The following FBXW11 variants were observed in gnomAD, a reference collection of about 807,000 sequenced individuals.
The protein encoded by FBXW11 is F-box and WD repeat domain containing 11.
Under a neutral mutation model 77.6 loss-of-function variants are expected in FBXW11, and 19 were observed. The observed-to-expected ratio is 0.24, with a 90% confidence interval of 0.17 to 0.36. The LOEUF is 0.36. Among genes scored for constraint, FBXW11 ranks in the 10% least tolerant of loss-of-function variants. The pLI is 1.00. For missense variants in FBXW11, 334 were observed against 704.2 expected (o/e 0.47, Z 5.95); for synonymous variants, 235 against 249.4 (o/e 0.94, Z 0.54).
Position 171,893,446 on chromosome 5 carries a change from A to AAAC in FBXW11, c.715-1843_715-1842insGTT, listed in dbSNP as rs1382279919. ...CAAAAAAAAAAAAAAAAAAAAAAAA[A>AAAC]ACTAACCCAACCATCTCTGCTACCT... On this transcript the variant is annotated intron_variant, in intron 6 of 13. Coordinates refer to ENST00000517395, the MANE Select transcript of FBXW11 (RefSeq NM_001378974.1). Among the ~76,000 whole-genome samples, 185 of 148,102 alleles carry AAAC rather than the reference A, an allele frequency of 1.2e-3. 2 individuals are homozygous for AAAC. The highest frequency in any genetic ancestry group is 4.4e-3 in the African/African-American group (178 of 40,086).
intron 2 of FBXW11, among the ~76,000 whole-genome samples, chr5:171,920,409 C>T (rs139330220): frequency 9.1e-4 from 117 of 128,090 alleles, no homozygotes; most frequent in Middle Eastern, 3.9e-3. Flanking sequence ...AATTCCACAC[C>T]GCTATTTAAA....
chr5:171,911,587 C>T (rs1760887031), intron 3 of FBXW11, among the ~76,000 whole-genome samples: 1 of 152,180 alleles, frequency 6.6e-6, no homozygotes, highest in East Asian at 1.9e-4. Context: ...ACGGTTTAGA[C>T]TTTCCCATCC....
intron 1 of FBXW11, among the ~76,000 whole-genome samples, chr5:171,974,773 A>AG (rs773927546): frequency 2.6e-4 from 39 of 151,718 alleles, no homozygotes; most frequent in Non-Finnish European, 4.9e-4. Flanking sequence ...AAACATGCAA[A>AG]GGTTGGTTAA....
At chr5:171,967,163 T>C (rs566261406) in intron 1 of FBXW11, among the ~76,000 whole-genome samples, 10 of 152,340 alleles carry the variant, frequency 6.6e-5, no homozygotes, top group African/African-American at 2.4e-4. Context: ...TATGCAACTC[T>C]GCAATACATA....
intron 6 of FBXW11, among the ~76,000 whole-genome samples, chr5:171,891,894 G>A (rs776372259): frequency 4.6e-5 from 7 of 151,992 alleles, no homozygotes; most frequent in Non-Finnish European, 8.8e-5. Context: ...AAAGAACGCC[G>A]TTTGCACCCA....
chr5:171,889,890 C>CA (rs1348148413), intron 7 of FBXW11, among the ~76,000 whole-genome samples: 4 of 151,354 alleles, frequency 2.6e-5, no homozygotes, highest in African/African-American at 9.7e-5. Flanking sequence ...AACTCCGTCT[C>CA]AAAAAAAATT....
chr5:171,908,504 G>A (rs1215308480), intron 4 of FBXW11, among the ~76,000 whole-genome samples: 1 of 152,118 alleles, frequency 6.6e-6, no homozygotes. Flanking sequence ...TGAAAAACAG[G>A]ACTAAGTGAT....
intron 1 of FBXW11, among the ~76,000 whole-genome samples, chr5:171,991,620 T>C (rs1765743671): frequency 6.6e-6 from 1 of 152,248 alleles, no homozygotes; most frequent in Non-Finnish European, 1.5e-5. Context: ...CAGTCTTCAC[T>C]GTTCAGGTTC....
chr5:171,955,593 C>A (rs906354653), intron 2 of FBXW11, among the ~76,000 whole-genome samples: 5 of 152,188 alleles, frequency 3.3e-5, no homozygotes, highest in Non-Finnish European at 4.4e-5. Flanking sequence ...GGAAGGAAGT[C>A]TTCCAGGCTC....
intron 1 of FBXW11, among the ~76,000 whole-genome samples, chr5:171,975,904 T>G (rs1764803288): frequency 1.3e-5 from 2 of 152,202 alleles, no homozygotes. Flanking sequence ...GGAGGAATTC[T>G]GGGATCAGAA....
chr5:171,972,297 A>G (rs1352160631), intron 1 of FBXW11, among the ~76,000 whole-genome samples: 1 of 149,452 alleles, frequency 6.7e-6, no homozygotes, highest in Non-Finnish European at 1.5e-5. Context: ...GGTCAACACA[A>G]TGAGACCTCG....
chr5:171,924,802 G>A (rs887753474), intron 2 of FBXW11, among the ~76,000 whole-genome samples: 3 of 143,778 alleles, frequency 2.1e-5, no homozygotes, highest in Non-Finnish European at 4.5e-5. Context: ...GCTGCAGAGA[G>A]GAGAGAAGAG....
intron 2 of FBXW11, among the ~76,000 whole-genome samples, chr5:171,919,299 T>A (rs966008800): frequency 6.6e-6 from 1 of 152,150 alleles, no homozygotes; most frequent in African/African-American, 2.4e-5. Context: ...GTAATTCTGA[T>A]CTATCTCTGC....
intron 2 of FBXW11, among the ~76,000 whole-genome samples, chr5:171,935,606 AT>A (rs1762432209): frequency 6.6e-6 from 1 of 151,926 alleles, no homozygotes; most frequent in Non-Finnish European, 1.5e-5. Flanking sequence ...TTTTTTTTTA[AT>A]TTAAGAAGAA....
chr5:171,916,442 T>C (rs1168478217), intron 2 of FBXW11: 12 of 985,154 alleles, frequency 1.2e-5, no homozygotes, highest in Non-Finnish European at 1.3e-5. Context: ...TGGGGCTCTA[T>C]GTGAAAATCA....
At chr5:171,999,845 A>C (rs1213700443) in intron 1 of FBXW11, among the ~76,000 whole-genome samples, 4 of 151,492 alleles carry the variant, frequency 2.6e-5, no homozygotes, top group Non-Finnish European at 5.9e-5. Flanking sequence ...TATTTTTCCT[A>C]TTAATGTCCC....
Position 171,869,502 on chromosome 5 carries a change from C to G in FBXW11, c.1530+227G>C, listed in dbSNP as rs1209575946. Reference sequence around the variant, plus strand: ...ACCAGTCCACCTACAAATCAGGAAGCCTGCCTTCATATCTTAAGCTGCATT... The same window carrying G: ...ACCAGTCCACCTACAAATCAGGAAGGCTGCCTTCATATCTTAAGCTGCATT... On this transcript the variant is annotated intron_variant, in intron 12 of 13. Coordinates refer to ENST00000517395, the MANE Select transcript of FBXW11 (RefSeq NM_001378974.1). The surrounding 1 kb of genome is among the most constrained non-coding windows in gnomAD (Gnocchi z 4.1). Among the ~76,000 whole-genome samples, 4 of 152,194 alleles carry G rather than the reference C, an allele frequency of 2.6e-5. No homozygotes were observed. The highest frequency in any genetic ancestry group is 2.1e-4 in the South Asian group (1 of 4,838).
At chr5:171,917,839 T>C (rs1360418611) in intron 2 of FBXW11, among the ~76,000 whole-genome samples, 1 of 152,078 alleles carries the variant, frequency 6.6e-6, no homozygotes, top group Non-Finnish European at 1.5e-5. Flanking sequence ...TTTATATATA[T>C]GTCTCTCAGA....
chr5:171,900,172 A>AT, intron 4 of FBXW11, 72 bp from the exon 5 acceptor site: 3 of 1,301,988 alleles, frequency 2.3e-6, no homozygotes, highest in Non-Finnish European at 3.2e-6. Context: ...TTCCTTAAAG[A>AT]TAAGAGGAAT....
Sources: allele counts gnomAD v4.1 joint callset (sites outside exome capture counted in the v4.1 genomes callset), GRCh38; gene constraint gnomAD v4.1.1; non-coding constraint Gnocchi (gnomAD v3.1); transcripts MANE v1.5; gene names NCBI Gene and HGNC (gene_info 2026-07-23, HGNC 2026-07-21).